Variants in SRGAP2 observed in about 807,000 individuals in gnomAD.
SRGAP2 encodes the protein SLIT-ROBO Rho GTPase-activating protein 2.
A neutral mutation model predicts 57.2 loss-of-function variants in SRGAP2; 15 were observed. That is an observed-to-expected ratio of 0.26 (90% CI 0.18 to 0.40). The LOEUF is 0.40. Among genes scored for constraint, SRGAP2 ranks in the 10% least tolerant of loss-of-function variants. The probability of loss-of-function intolerance (pLI) is 1.00; values close to 1 mark genes in which losing one functional copy is unlikely to be tolerated. For synonymous variants in SRGAP2, 249 were observed against 248.0 expected (o/e 1.00, Z -0.04); for missense variants, 520 against 669.6 (o/e 0.78, Z 2.47).
chr1:206,446,050 T>C (rs1386632004), intron 17 of SRGAP2, 25 bp from the exon 18 acceptor site: 3 of 778,448 alleles, frequency 3.9e-6, no homozygotes, highest in Non-Finnish European at 7.2e-6. Flanking sequence ...GCTTTCCAGC[T>C]TGCCCCCTTT....
At chr1:206,346,263 G>T (rs1396917629) in intron 4 of SRGAP2, among the ~76,000 whole-genome samples, 2 of 152,140 alleles carry the variant, frequency 1.3e-5, no homozygotes, top group Non-Finnish European at 2.9e-5. Context: ...TTCTTTCTGT[G>T]CCTCAGTTCC....
chr1:206,307,572 G>C (rs1182757230), intron 3 of SRGAP2, among the ~76,000 whole-genome samples: 2 of 152,330 alleles, frequency 1.3e-5, no homozygotes, highest in East Asian at 3.9e-4. Flanking sequence ...CAGACATGGC[G>C]GGCTGCAGGT....
intron 5 of SRGAP2, among the ~76,000 whole-genome samples, chr1:206,387,228 A>G (rs1553348900): frequency 6.6e-6 from 1 of 151,042 alleles, no homozygotes; most frequent in East Asian, 1.9e-4. Context: ...CCATGGGATT[A>G]CGGTGACTAA....
intron 15 of SRGAP2, chr1:206,437,594 T>C (rs1661886245): frequency 4.9e-6 from 1 of 204,610 alleles, no homozygotes; most frequent in Non-Finnish European, 9.9e-6. Context: ...AGAGCCAGTC[T>C]CAGGAGCTGG....
chr1:206,373,010 T>TC, intron 4 of SRGAP2, among the ~76,000 whole-genome samples: 1 of 120,492 alleles, frequency 8.3e-6, no homozygotes, highest in East Asian at 2.4e-4. Context: ...TCTTTCTTTC[T>TC]TTCTTTCTTT....
chr1:206,408,646 G>A (rs140899403), intron 10 of SRGAP2, among the ~76,000 whole-genome samples: 11 of 151,252 alleles, frequency 7.3e-5, no homozygotes, highest in African/African-American at 1.5e-4. Context: ...TTTAGGTTAC[G>A]TAAGAAATTT....
chr1:206,449,294 T>TTTTTTTTG (rs1663047569), intron 18 of SRGAP2, among the ~76,000 whole-genome samples: 3 of 131,950 alleles, frequency 2.3e-5, no homozygotes, highest in African/African-American at 5.7e-5. Context: ...TGATTTTTTT[T>TTTTTTTTG]TTTTTTTTTT....
At chr1:206,358,240 T>A (rs1471822824) in intron 4 of SRGAP2, among the ~76,000 whole-genome samples, 2 of 150,250 alleles carry the variant, frequency 1.3e-5, no homozygotes, top group Non-Finnish European at 3.0e-5. Flanking sequence ...TCACTGTTCC[T>A]TCTCAGAATG....
Position 206,205,723 on chromosome 1 carries a change from G to C in SRGAP2, c.-248G>C. On this transcript the variant is annotated 5_prime_UTR_variant, in exon 2 of 23. Transcript: ENST00000573034. ...TGCAGTTCTCCCGGCTAATGCTGAG[G>C]CTGCGGCTCCGGCTCTAGCACAGGC... 1.8e-6 allele frequency: 1 copy of C among 558,242 alleles called. No homozygotes were observed. Among genetic ancestry groups the C allele is most frequent in the Non-Finnish European group, 3.3e-6 (1 of 302,120 alleles). 34.6% of individuals were successfully genotyped at this position (558,242 alleles called of 1,614,324 possible).
At chr1:206,206,226 G>A (rs1190448608) in intron 2 of SRGAP2, 189 bp downstream of exon 2, 53 of 536,910 alleles carry the variant, frequency 9.9e-5, no homozygotes, top group Non-Finnish European at 1.8e-4. Context: ...ATTGACACTG[G>A]AAAGGAATTT....
At chr1:206,425,993 T>G (rs1393685815) in intron 13 of SRGAP2, among the ~76,000 whole-genome samples, 1 of 151,876 alleles carries the variant, frequency 6.6e-6, no homozygotes, top group Non-Finnish European at 1.5e-5. Context: ...ATTACAGGCA[T>G]CTGCTGCCAT....
At position 206,455,013 on chromosome 1, in the gene SRGAP2, A is replaced by C; in HGVS notation, c.2496A>C (p.Ala832=). The part of the protein sequence containing the change: ...SGGHVADIYL[A]NINKQRKRPE... ...GTCATGTAGCCGATATTTATCTTGC[A>C]AACATCAACAAGTAAGCTCTGCTTT... The change falls in exon 21 of 23, where the codon GCA becomes GCC. Residue 832 remains alanine (A), a synonymous_variant. Coordinates refer to ENST00000573034, the MANE Select transcript of SRGAP2 (RefSeq NM_015326.5). The C allele has an allele frequency of 1.3e-6, 1 of 780,876 alleles. No homozygotes were observed. Among genetic ancestry groups the C allele is most frequent in the South Asian group, 1.3e-5 (1 of 74,624 alleles). The allele number at this position is 780,876 out of a possible 1,614,324, so 48.4% of individuals were successfully genotyped here.
chr1:206,322,224 AAC>A (rs1386663451), intron 3 of SRGAP2, among the ~76,000 whole-genome samples: 3 of 149,412 alleles, frequency 2.0e-5, no homozygotes, highest in African/African-American at 7.4e-5. Flanking sequence ...TATTATCCAT[AAC>A]ACACATTTTC....
chr1:206,459,352 C>A (rs1335300385), intron 22 of SRGAP2, among the ~76,000 whole-genome samples: 2 of 150,754 alleles, frequency 1.3e-5, no homozygotes, highest in African/African-American at 2.5e-5. Flanking sequence ...TGCCCATCAC[C>A]ATCATCCCGA....
chr1:206,452,488 A>G (rs1553376300), intron 19 of SRGAP2, among the ~76,000 whole-genome samples: 2 of 152,238 alleles, frequency 1.3e-5, no homozygotes, highest in African/African-American at 4.8e-5. Context: ...TACTGGAATT[A>G]TTATATAATT....
At chr1:206,445,556 A>G (rs1424113165) in intron 17 of SRGAP2, among the ~76,000 whole-genome samples, 1 of 152,248 alleles carries the variant, frequency 6.6e-6, no homozygotes, top group Non-Finnish European at 1.5e-5. Context: ...CTATTTGTTA[A>G]TAAGTCTAGA....
intron 7 of SRGAP2, among the ~76,000 whole-genome samples, 192 bp from the exon 8 acceptor site, chr1:206,401,229 T>C (rs1448525311): frequency 3.3e-5 from 5 of 152,338 alleles, no homozygotes; most frequent in African/African-American, 1.2e-4. Context: ...CTCTAGGGTG[T>C]GTTTAACTGT....
chr1:206,277,873 G>A (rs1670503784), intron 2 of SRGAP2, among the ~76,000 whole-genome samples: 1 of 151,990 alleles, frequency 6.6e-6, no homozygotes, highest in African/African-American at 2.4e-5. Context: ...CAGCTACTTG[G>A]GAAGCTGAGG....
At chr1:206,240,568 G>A (rs1405421020) in intron 2 of SRGAP2, among the ~76,000 whole-genome samples, 3 of 152,078 alleles carry the variant, frequency 2.0e-5, no homozygotes, top group Non-Finnish European at 4.4e-5. Flanking sequence ...TTCATATCCA[G>A]TTTCTGCTTG....
Sources: gnomAD v4.1 joint callset for allele counts (sites outside exome capture counted in the v4.1 genomes callset) on GRCh38, gnomAD v4.1.1 for gene constraint, MANE v1.5 for transcripts, NCBI Gene and HGNC (gene_info 2026-07-23, HGNC 2026-07-21) for gene names.